Variants in NRXN3 observed in about 807,000 individuals in gnomAD.
NRXN3 encodes the protein neurexin 3.
In NRXN3, 32 loss-of-function variants were observed where a neutral mutation model predicts 137.6. The ratio of observed to expected loss-of-function variants is 0.23; its 90% CI spans 0.18 to 0.31. The LOEUF is 0.31. Ranked by LOEUF, NRXN3 falls within the 10% of genes least tolerant of loss-of-function variation. The probability of loss-of-function intolerance (pLI) is 1.00; values close to 1 mark genes in which losing one functional copy is unlikely to be tolerated. For missense variants in NRXN3, 1,574 were observed against 2,062.5 expected, an observed-to-expected ratio of 0.76 and a Z score of 4.59; for synonymous variants, 798 against 784.5, an observed-to-expected ratio of 1.02 and a Z score of -0.29.
intron 1 of NRXN3, among the ~76,000 whole-genome samples, chr14:78,171,988 A>G (rs767811718): frequency 6.6e-6 from 1 of 152,140 alleles, no homozygotes; most frequent in Non-Finnish European, 1.5e-5. Flanking sequence ...CTGGTAGGAC[A>G]AGAGCTGTCT....
intron 10 of NRXN3, among the ~76,000 whole-genome samples, chr14:78,888,848 T>TACAC (rs59053009): frequency 4.8e-5 from 7 of 146,422 alleles, no homozygotes; most frequent in African/African-American, 7.5e-5. Context: ...ATCACACACA[T>TACAC]ACACACACAC....
chr14:79,361,994 A>AT (rs1192199260), intron 15 of NRXN3, among the ~76,000 whole-genome samples: 93 of 115,478 alleles, frequency 8.1e-4, no homozygotes, highest in African/African-American at 2.4e-3. Flanking sequence ...TTCTACTTTT[A>AT]TAATTATTAT....
At chr14:79,349,200 G>A (rs768129831) in intron 15 of NRXN3, among the ~76,000 whole-genome samples, 17 of 151,980 alleles carry the variant, frequency 1.1e-4, no homozygotes, top group Non-Finnish European at 1.6e-4. Flanking sequence ...AAGTTCTCCA[G>A]CAAACTAGAG....
At chr14:78,965,409 G>C (rs563799039) in intron 11 of NRXN3, among the ~76,000 whole-genome samples, 45 of 152,248 alleles carry the variant, frequency 3.0e-4, no homozygotes, top group South Asian at 8.3e-4. Context: ...GACAGTTAGG[G>C]GGGTAAAGTA....
At chr14:79,620,578 A>G (rs376913623) in intron 16 of NRXN3, among the ~76,000 whole-genome samples, 1 of 152,174 alleles carries the variant, frequency 6.6e-6, no homozygotes, top group African/African-American at 2.4e-5. Flanking sequence ...GCATGGCTGA[A>G]TAGACCTGGG....
intron 4 of NRXN3, among the ~76,000 whole-genome samples, chr14:78,315,145 G>T (rs546035607): frequency 6.6e-6 from 1 of 151,682 alleles, no homozygotes; most frequent in South Asian, 2.1e-4. Flanking sequence ...CTGAGTACCT[G>T]GGATTACAGG....
intron 15 of NRXN3, among the ~76,000 whole-genome samples, chr14:79,234,320 ATATATATATATATATATATAATATT>A (rs2072918522): frequency 2.6e-5 from 3 of 113,628 alleles, no homozygotes; most frequent in African/African-American, 1.1e-4. Flanking sequence ...ATATATATAT[ATATATATATATATATATATAATATT>A]TATATATATA....
At chr14:79,843,164 G>A (rs1017718909) in intron 20 of NRXN3, among the ~76,000 whole-genome samples, 3 of 152,110 alleles carry the variant, frequency 2.0e-5, no homozygotes, top group African/African-American at 7.2e-5. Context: ...TGTGAATATA[G>A]GTCGGGTTTG....
At chr14:78,836,072 C>T (rs1036762431) in intron 10 of NRXN3, among the ~76,000 whole-genome samples, 2 of 152,088 alleles carry the variant, frequency 1.3e-5, no homozygotes, top group South Asian at 2.1e-4. Context: ...ACACAGAATA[C>T]ACTGAATCAA....
intron 15 of NRXN3, among the ~76,000 whole-genome samples, chr14:79,179,379 G>A (rs902802783): frequency 1.3e-5 from 2 of 152,146 alleles, no homozygotes; most frequent in Non-Finnish European, 2.9e-5. Context: ...CACACAGTTT[G>A]AGCTGTATTG....
intron 4 of NRXN3, among the ~76,000 whole-genome samples, chr14:78,543,126 G>T (rs2096606683): frequency 6.6e-6 from 1 of 152,122 alleles, no homozygotes; most frequent in South Asian, 2.1e-4. Flanking sequence ...TCTTAAGCTG[G>T]CTGCCCTGAT....
At chr14:78,576,712 C>G (rs2096939318) in intron 4 of NRXN3, among the ~76,000 whole-genome samples, 1 of 152,156 alleles carries the variant, frequency 6.6e-6, no homozygotes. Context: ...AGCCCAGTGT[C>G]AAGGGGCGGA....
chr14:79,764,142 GTTTTTC>G (rs750602710), intron 19 of NRXN3, among the ~76,000 whole-genome samples: 4 of 126,918 alleles, frequency 3.2e-5, no homozygotes, highest in Non-Finnish European at 6.5e-5. Flanking sequence ...TAGGTTACTG[GTTTTTC>G]TTTTTCTTTT....
chr14:79,302,889 G>GA (rs560986493), intron 15 of NRXN3, among the ~76,000 whole-genome samples: 42 of 151,696 alleles, frequency 2.8e-4, no homozygotes, highest in Non-Finnish European at 5.2e-4. Flanking sequence ...TAGCAGTGTG[G>GA]AAACAGACCA....
In NRXN3 at chr14:79,340,308, A is replaced by G. The variant is rs80251244; in HGVS notation, c.3263-126913A>G. On this transcript the variant is annotated intron_variant, in intron 15 of 20. Transcript: ENST00000335750. The stretch of plus-strand genomic sequence containing the variant: ...ATAATAAAATATGACATAGGCTTTC[A>G]AAGATAAAATTCGATTTGTAATATT... Among the ~76,000 whole-genome samples, 659 of 152,254 alleles carry G rather than the reference A, an allele frequency of 4.3e-3. 28 individuals carry two copies. In the East Asian group the frequency reaches 0.09, roughly 21 times the overall value.
intron 8 of NRXN3, among the ~76,000 whole-genome samples, chr14:78,715,581 G>C (rs2098427701): frequency 6.6e-6 from 1 of 152,132 alleles, no homozygotes. Flanking sequence ...CTGCCTAGTG[G>C]AATATTTAGC....
At chr14:79,320,254 A>G (rs188767206) in intron 15 of NRXN3, among the ~76,000 whole-genome samples, 1 of 152,330 alleles carries the variant, frequency 6.6e-6, no homozygotes, top group African/African-American at 2.4e-5. Context: ...TAAACATGCA[A>G]ATATCCACGA....
intron 4 of NRXN3, among the ~76,000 whole-genome samples, chr14:78,366,600 G>A (rs1205479726): frequency 2.6e-5 from 4 of 152,136 alleles, no homozygotes; most frequent in African/African-American, 9.7e-5. Flanking sequence ...TTATGGCTGG[G>A]GAGGCCTCAC....
chr14:79,565,256 C>CATATATGTGTGTGT (rs1297119249), intron 16 of NRXN3, among the ~76,000 whole-genome samples: 45 of 15,172 alleles, frequency 3.0e-3, no homozygotes, highest in African/African-American at 0.011. Flanking sequence ...TGTATATATA[C>CATATATGTGTGTGT]ATATACACAT....
Sources: allele counts gnomAD v4.1 joint callset (sites outside exome capture counted in the v4.1 genomes callset), GRCh38; gene constraint gnomAD v4.1.1; transcripts MANE v1.5; gene names NCBI Gene and HGNC (gene_info 2026-07-23, HGNC 2026-07-21).